Variants in RELN observed in about 807,000 individuals in gnomAD.
The protein encoded by RELN is reelin.
A neutral mutation model predicts 427.6 loss-of-function variants in RELN; 108 were observed. That is an observed-to-expected ratio of 0.25 (90% CI 0.22 to 0.30). The LOEUF is 0.30. Among genes scored for constraint, RELN ranks in the 10% least tolerant of loss-of-function variants. The pLI, the probability that RELN is intolerant of heterozygous loss-of-function variation, is 1.00. For missense variants in RELN, 3,715 were observed against 4,302.8 expected, an observed-to-expected ratio of 0.86 and a Z score of 3.82; for synonymous variants, 1,524 against 1,513.4, an observed-to-expected ratio of 1.01 and a Z score of -0.16.
At position 103,789,214 on chromosome 7, in the gene RELN, C is replaced by T. The variant is rs181264951; in HGVS notation, c.474-12587G>A. ...TCAAGATGAATTAAAGATTTTAACGCAAGACCTAAAACCATAAAATCCCTA... is the reference window on the plus strand; with the variant it reads ...TCAAGATGAATTAAAGATTTTAACGTAAGACCTAAAACCATAAAATCCCTA... On this transcript the variant is annotated intron_variant, in intron 3 of 64. Coordinates refer to ENST00000428762, the MANE Select transcript of RELN (RefSeq NM_005045.4). Among the ~76,000 whole-genome samples the T allele has an allele frequency of 1.2e-4, 19 of 152,132 alleles. No homozygotes were observed. In the East Asian group the frequency reaches 3.5e-3, roughly 28 times the overall value.
intron 9 of RELN, among the ~76,000 whole-genome samples, chr7:103,699,875 A>G (rs901719473): frequency 7.9e-5 from 12 of 152,122 alleles, no homozygotes; most frequent in Non-Finnish European, 1.5e-4. Context: ...ACAATCTATT[A>G]AAATCCATGA....
chr7:103,924,759 T>C (rs947129131), intron 1 of RELN, among the ~76,000 whole-genome samples: 1 of 152,154 alleles, frequency 6.6e-6, no homozygotes, highest in Admixed American at 6.5e-5. Flanking sequence ...ACTGAAATTT[T>C]TTTTGCTTCC....
At chr7:103,477,811 G>C (rs1378897610) in intron 64 of RELN, among the ~76,000 whole-genome samples, 2 of 152,066 alleles carry the variant, frequency 1.3e-5, no homozygotes, top group Non-Finnish European at 2.9e-5. Context: ...ACAAATACAA[G>C]AATATATTAA....
At chr7:103,489,616 T>A in intron 60 of RELN, 126 bp downstream of exon 60, 1 of 1,051,514 alleles carries the variant, frequency 9.5e-7, no homozygotes, top group Non-Finnish European at 1.4e-6. Context: ...CCAAGGAGTG[T>A]GTCATGAATC....
chr7:103,929,853 C>T (rs1280513566), intron 1 of RELN, among the ~76,000 whole-genome samples: 3 of 152,216 alleles, frequency 2.0e-5, no homozygotes, highest in East Asian at 1.9e-4. Context: ...TCAACGCATC[C>T]GGCAACTCAA....
At position 103,833,888 on chromosome 7, in the gene RELN, A is replaced by G. The variant is rs184231163; in HGVS notation, c.338-216T>C. ...GGAGTGACCTGCTGGAATCATTGCT[A>G]TAATATTTGCTTTGCTTTGATTTTG... is the stretch of plus-strand genomic sequence containing the variant. On this transcript the variant is annotated intron_variant, in intron 2 of 64. Transcript: ENST00000428762. Among the ~76,000 whole-genome samples, 76 of 152,292 alleles carry G rather than the reference A, an allele frequency of 5.0e-4. 1 individual carries two copies. Among genetic ancestry groups the G allele is most frequent in the African/African-American group, 1.7e-3 (72 of 41,546 alleles).
At chr7:103,502,958 C>G in intron 52 of RELN, 58 bp downstream of exon 52, 1 of 1,383,244 alleles carries the variant, frequency 7.2e-7, no homozygotes, top group Non-Finnish European at 1.0e-6. Context: ...CAACAGTGTA[C>G]CTAATGGTGT....
intron 11 of RELN, 56 bp from the exon 12 acceptor site, chr7:103,661,583 A>G (rs1034042596): frequency 1.3e-6 from 2 of 1,511,984 alleles, no homozygotes; most frequent in Non-Finnish European, 9.1e-7. Context: ...AAATCTTTAT[A>G]AAGAATAACA....
intron 9 of RELN, among the ~76,000 whole-genome samples, chr7:103,698,920 A>G (rs1381413609): frequency 1.3e-5 from 2 of 152,074 alleles, no homozygotes; most frequent in East Asian, 3.9e-4. Context: ...ATTTCTACTA[A>G]CCAGATGTTT....
intron 1 of RELN, among the ~76,000 whole-genome samples, chr7:103,918,654 T>C (rs1390881721): frequency 6.6e-6 from 1 of 152,186 alleles, no homozygotes; most frequent in African/African-American, 2.4e-5. Flanking sequence ...GAATTATTAA[T>C]GAATAACTTA....
rs1472698485 is a variant in RELN, at chr7:103,486,186, G to A, written c.9983+11C>T. 2 of 1,611,926 alleles carry A rather than the reference G, an allele frequency of 1.2e-6. No homozygotes were observed. The highest frequency in any genetic ancestry group is 2.7e-5 in the African/African-American group (2 of 74,962). ...TTCTATGTCTGGACTAAAATATGGA[G>A]GTTTGGGTACCTTGCTCGAGTGAGA... On this transcript the variant is annotated intron_variant, in intron 61 of 64. Transcript: ENST00000428762.
At chr7:103,637,524 A>T (rs1011226604) in intron 17 of RELN, among the ~76,000 whole-genome samples, 2 of 152,190 alleles carry the variant, frequency 1.3e-5, no homozygotes, top group Admixed American at 6.5e-5. Flanking sequence ...TTTTATGTAT[A>T]TTGGATTTTC....
At chr7:103,565,090 C>T (rs886181946) in intron 34 of RELN, among the ~76,000 whole-genome samples, 188 bp downstream of exon 34, 15 of 152,166 alleles carry the variant, frequency 9.9e-5, no homozygotes, top group Admixed American at 1.3e-4. Flanking sequence ...CCTCATAAAA[C>T]TTTTGGTGCT....
intron 1 of RELN, among the ~76,000 whole-genome samples, chr7:103,957,514 G>C (rs1055405238): frequency 5.9e-5 from 9 of 152,116 alleles, no homozygotes; most frequent in Non-Finnish European, 8.8e-5. Context: ...AGAGGTGACT[G>C]GTTTGCCCTT....
intron 1 of RELN, among the ~76,000 whole-genome samples, chr7:103,937,886 T>TAAAC (rs1027790655): frequency 4.3e-4 from 65 of 152,352 alleles, no homozygotes; most frequent in African/African-American, 1.5e-3. Flanking sequence ...AGGCTCAGTA[T>TAAAC]AAACACCAGA....
At chr7:103,493,260 C>T (rs1403052278) in intron 57 of RELN, among the ~76,000 whole-genome samples, 2 of 152,122 alleles carry the variant, frequency 1.3e-5, no homozygotes, top group South Asian at 2.1e-4. Context: ...ATACCAGGAA[C>T]ACTGGAAAGT....
At position 103,563,143 on chromosome 7, in the gene RELN, A is replaced by G. The variant is rs74602367; in HGVS notation, c.5211-1190T>C. On this transcript the variant is annotated intron_variant, in intron 34 of 64. Coordinates refer to ENST00000428762, the MANE Select transcript of RELN (RefSeq NM_005045.4). This position sits in a 1 kb window ranked among gnomAD's most constrained non-coding sequence, Gnocchi z 4.1. ...TAGTACCCTCCTGTGTTTCAATAAT[A>G]TCTCTGAGTACTTCCTCTGGTATCA... 1.5e-3 allele frequency among the ~76,000 whole-genome samples: 221 copies of G among 152,268 alleles called. 1 individual carries two copies. The highest frequency in any genetic ancestry group is 1.5e-3 in the South Asian group (7 of 4,824).
At chr7:103,714,379 G>A (rs1375144481) in intron 8 of RELN, among the ~76,000 whole-genome samples, 3 of 152,184 alleles carry the variant, frequency 2.0e-5, no homozygotes, top group African/African-American at 7.2e-5. Flanking sequence ...TTCAAGACAA[G>A]AGGGAAAATC....
chr7:103,710,962 T>C (rs183465136), intron 8 of RELN, among the ~76,000 whole-genome samples: 166 of 152,290 alleles, frequency 1.1e-3, no homozygotes, highest in Non-Finnish European at 1.7e-3. Flanking sequence ...GAGAATCGCT[T>C]GAACCCAGGA....
Sources: gnomAD v4.1 joint callset for allele counts (sites outside exome capture counted in the v4.1 genomes callset) on GRCh38, gnomAD v4.1.1 for gene constraint, Gnocchi (gnomAD v3.1) non-coding constraint, MANE v1.5 for transcripts, NCBI Gene and HGNC (gene_info 2026-07-23, HGNC 2026-07-21) for gene names.